Variants in COL6A2 observed in about 807,000 individuals in gnomAD.
COL6A2 encodes collagen type VI alpha 2 chain, also known as collagen alpha-2(VI) chain.
A neutral mutation model predicts 124.9 loss-of-function variants in COL6A2; 90 were observed. That is an observed-to-expected ratio of 0.72 (90% confidence interval 0.61 to 0.86). COL6A2 has a LOEUF of 0.86. Ranked by LOEUF, COL6A2 falls within the 40% of genes least tolerant of loss-of-function variation. The probability of loss-of-function intolerance (pLI) is 0.00; values close to 1 mark genes in which losing one functional copy is unlikely to be tolerated. For missense variants in COL6A2, 1,607 were observed against 1,502.5 expected (o/e 1.07, Z -1.15); for synonymous variants, 793 against 618.2 (o/e 1.28, Z -4.19).
Position 46,126,538 on chromosome 21 carries a change from A to G in COL6A2, c.2458A>G (p.Thr820Ala). 1.2e-6 allele frequency: 2 copies of G among 1,613,318 alleles called. No individual in the cohort carries two copies. The highest frequency in any genetic ancestry group is 1.7e-6 in the Non-Finnish European group (2 of 1,179,862). The change falls in exon 27 of 28, where the codon ACA (threonine) becomes GCA (alanine). Residue 820 changes from threonine to alanine, a missense_variant. Around this residue, in one of 3 missense-constraint regions of COL6A2, gnomAD observed 1,223 missense variants for 1,052.2 expected, o/e 1.16. Transcript: ENST00000300527. ...QIVCPDLPCQ[T>A]ELSVAQCTQR... ...CGTGTGCCCAGACCTTCCCTGCCAA[A>G]CAGGTAATGCAGGGCACCCTGAGCC...
intron 27 of COL6A2, among the ~76,000 whole-genome samples, chr21:46,128,692 G>A (rs1003976851): frequency 3.9e-5 from 6 of 152,250 alleles, no homozygotes; most frequent in African/African-American, 1.4e-4. Flanking sequence ...GCTCCAGTCG[G>A]TGGAAAGAAA....
chr21:46,112,473 A>T lies in COL6A2; in HGVS notation c.610A>T (p.Ile204Phe). 6.2e-7 allele frequency: 1 copy of T among 1,610,978 alleles called. No homozygotes were observed. The highest frequency in any genetic ancestry group is 8.5e-7 in the Non-Finnish European group (1 of 1,179,752). Residue 204 changes from isoleucine (I) to phenylalanine (F), a missense_variant, in exon 3 of 28, where the codon ATC (isoleucine) becomes TTC (phenylalanine). Transcript: ENST00000300527. ...CCTGAAGGAGCAGGGCCTGCGGGAC[A>T]TCGCCAGCACGCCGCACGAGCTCTA... The part of the protein sequence containing the change: ...QNLKEQGLRD[I>F]ASTPHELYRN...
rs151149694 is a variant in COL6A2 at position 46,129,308 on chromosome 21, G to A, written c.2462-2646G>A. 3.3e-4 allele frequency: 535 copies of A among 1,612,940 alleles called. 2 individuals carry two copies. The highest frequency in any genetic ancestry group is 4.7e-4 in the South Asian group (43 of 91,086). ...TGATCCAACAGTTGCTAAACGCCACGGAGCTCACGCAGGACCCGGCCGCCT... is the reference window on the plus strand; with the variant it reads ...TGATCCAACAGTTGCTAAACGCCACAGAGCTCACGCAGGACCCGGCCGCCT... On this transcript the variant is annotated intron_variant, in intron 27 of 27. Transcript: ENST00000300527.
chr21:46,118,736 G>A lies in COL6A2; in HGVS notation c.1179+60G>A, dbSNP rs945846858. On this transcript the variant is annotated intron_variant, in intron 13 of 27. Transcript: ENST00000300527. ...TGGCCACACTCACGCCCATGGCCCAGATGAACAGTCACGCTGGCCACCATC... is the reference window on the plus strand; with the variant it reads ...TGGCCACACTCACGCCCATGGCCCAAATGAACAGTCACGCTGGCCACCATC... 24 of 1,548,412 alleles carry A rather than the reference G, an allele frequency of 1.5e-5. No homozygotes were observed. In the Middle Eastern group the frequency reaches 5.0e-4, roughly 32 times the overall value.
Position 46,116,276 on chromosome 21 carries a change from G to A in COL6A2, c.901-101G>A. 3 of 1,384,742 alleles carry A rather than the reference G, an allele frequency of 2.2e-6. No individual in the cohort carries two copies. The highest frequency in any genetic ancestry group is 3.0e-6 in the Non-Finnish European group (3 of 989,460). The allele number at this position is 1,384,742 out of a possible 1,614,324, so 85.8% of individuals were successfully genotyped here. On this transcript the variant is annotated intron_variant, in intron 7 of 27. Coordinates refer to ENST00000300527, the MANE Select transcript of COL6A2 (RefSeq NM_001849.4). The surrounding 1 kb of genome is among the most constrained non-coding windows in gnomAD (Gnocchi z 4.6). ...TGTTTGTCGAGAACACTAGATGCCA[G>A]CGGCCCACCGAGCACTCCCCTCAGC...
In COL6A2 at chr21:46,116,979, C is replaced by G. The variant is rs977640621; in HGVS notation, c.999+165C>G. 2.0e-5 allele frequency among the ~76,000 whole-genome samples: 3 copies of G among 152,028 alleles called. No homozygotes were observed. The highest frequency in any genetic ancestry group is 7.3e-5 in the African/African-American group (3 of 41,350). ...CACGAACTTCAGCTCCTGCCACATC[C>G]CACTGCCCCACCCAGGGCTTCACCA... On this transcript the variant is annotated intron_variant, in intron 10 of 27. Transcript: ENST00000300527. The surrounding 1 kb of genome is among the most constrained non-coding windows in gnomAD (Gnocchi z 4.6).
intron 14 of COL6A2, among the ~76,000 whole-genome samples, chr21:46,119,483 C>T (rs1438962868): frequency 6.6e-6 from 1 of 152,212 alleles, no homozygotes; most frequent in African/African-American, 2.4e-5. Flanking sequence ...CAGGTCCCCA[C>T]CAGGCCCCAG....
intron 4 of COL6A2, chr21:46,113,704 G>T: frequency 2.1e-6 from 1 of 474,666 alleles, no homozygotes; most frequent in Non-Finnish European, 3.9e-6. Context: ...GGGATTCCAG[G>T]CGTGAGCTGC....
At chr21:46,129,661 T>G in intron 27 of COL6A2, 1 of 1,422,686 alleles carries the variant, frequency 7.0e-7, no homozygotes, top group South Asian at 1.6e-5. Flanking sequence ...CCCATGCTGG[T>G]GGCCACCGTG....
chr21:46,126,686 G>A (rs1031741686), intron 27 of COL6A2, 145 bp downstream of exon 27: 1 of 997,640 alleles, frequency 1.0e-6, no homozygotes. Context: ...TTAGGGAGAT[G>A]GCCCCAGGAT....
chr21:46,119,699 G>C, intron 14 of COL6A2, 89 bp from the exon 15 acceptor site: 3 of 1,204,886 alleles, frequency 2.5e-6, no homozygotes, highest in East Asian at 2.6e-5. Context: ...TGTAGAGAAG[G>C]AGCATCGGCC....
chr21:46,121,688 C>G (rs2123647149), intron 18 of COL6A2, 70 bp downstream of exon 18: 2 of 1,503,386 alleles, frequency 1.3e-6, no homozygotes, highest in East Asian at 2.3e-5. Flanking sequence ...GGACAGGGGG[C>G]CGGCCTGGGG....
In COL6A2 at chr21:46,124,663, C is replaced by T. The variant is rs1035008109; in HGVS notation, c.1684C>T (p.Pro562Ser). 1 of 1,612,820 alleles carries T rather than the reference C, an allele frequency of 6.2e-7. No individual in the cohort carries two copies. The highest frequency in any genetic ancestry group is 8.5e-7 in the Non-Finnish European group (1 of 1,179,822). ...GEKGEPADPG[P>S]PGEPGPRGPR... ...TGTTCCTTCTCAGGCGGATCCTGGT[C>T]CCCCTGGTGAGCCAGGCCCTCGGGG... is the stretch of plus-strand genomic sequence containing the variant. The change falls in exon 22 of 28, where the codon CCC becomes TCC. Residue 562 changes from proline to serine, a missense_variant. Physicochemically the swap from Pro to Ser is moderately conservative, Grantham distance 74. Coordinates refer to ENST00000300527, the MANE Select transcript of COL6A2 (RefSeq NM_001849.4).
intron 1 of COL6A2, among the ~76,000 whole-genome samples, chr21:46,103,684 T>C (rs917603330): frequency 2.0e-5 from 3 of 152,254 alleles, no homozygotes; most frequent in African/African-American, 7.2e-5. Context: ...GGGTGTTGTT[T>C]AATTTCGTGA....
intron 27 of COL6A2, among the ~76,000 whole-genome samples, chr21:46,130,230 T>C (rs570442597): frequency 5.9e-5 from 9 of 152,276 alleles, no homozygotes; most frequent in Admixed American, 3.9e-4. Flanking sequence ...TCTGCACCCT[T>C]CCAGCCCAAC....
intron 1 of COL6A2, among the ~76,000 whole-genome samples, chr21:46,101,271 T>C (rs948803023): frequency 6.6e-6 from 1 of 152,240 alleles, no homozygotes; most frequent in Non-Finnish European, 1.5e-5. Context: ...TTTTTTGTTG[T>C]TGAATTTTAG....
rs772873705 is a variant in COL6A2, at chr21:46,125,571, G to T, written c.1923G>T (p.Val641=). 6.2e-7 allele frequency: 1 copy of T among 1,612,800 alleles called. No homozygotes were observed. ...FTLEKNFVIN[V]VNRLGAIAKD... Reference sequence around the variant, plus strand: ...TGGAGAAGAACTTCGTCATCAACGTGGTCAACAGGCTGGGTGCCATCGCTA... The same window carrying T: ...TGGAGAAGAACTTCGTCATCAACGTTGTCAACAGGCTGGGTGCCATCGCTA... The change falls in exon 25 of 28, where the codon GTG becomes GTT. Residue 641 remains valine (V), a synonymous_variant. Coordinates refer to ENST00000300527, the MANE Select transcript of COL6A2 (RefSeq NM_001849.4).
rs546606544 is a variant in COL6A2, at chr21:46,127,248, G to A, written c.2461+707G>A. Among the ~76,000 whole-genome samples the A allele has an allele frequency of 7.8e-4, 119 of 152,254 alleles. 1 individual carries two copies. In the Middle Eastern group the frequency reaches 0.014, roughly 17 times the overall value. Reference sequence around the variant, plus strand: ...GATGCCATGGAGACAGGGTGGGAGGGTCCGACCTGGAGGACCACAGGGAGG... The same window carrying A: ...GATGCCATGGAGACAGGGTGGGAGGATCCGACCTGGAGGACCACAGGGAGG... On this transcript the variant is annotated intron_variant, in intron 27 of 27. Transcript: ENST00000300527.
chr21:46,107,754 T>C (rs1473467232), intron 1 of COL6A2, among the ~76,000 whole-genome samples: 1 of 152,234 alleles, frequency 6.6e-6, no homozygotes, highest in East Asian at 1.9e-4. Flanking sequence ...AATGTTTAAA[T>C]TTACCTGTAG....
Sources: allele counts gnomAD v4.1 joint callset (sites outside exome capture counted in the v4.1 genomes callset), GRCh38; gene constraint gnomAD v4.1.1; regional missense constraint gnomAD v4.1.1; non-coding constraint Gnocchi (gnomAD v3.1); transcripts MANE v1.5; gene names NCBI Gene and HGNC (gene_info 2026-07-23, HGNC 2026-07-21).